LHFPL3: variants seen among roughly 807,000 people sequenced by gnomAD.
The protein encoded by LHFPL3 is LHFPL tetraspan subfamily member 3.
In LHFPL3, 5 loss-of-function variants were observed where a neutral mutation model predicts 19.3. The observed-to-expected ratio is 0.26, with a 90% confidence interval of 0.14 to 0.54. The LOEUF is 0.54. Ranked by LOEUF, LHFPL3 falls within the 20% of genes least tolerant of loss-of-function variation. The pLI is 0.94. For synonymous variants in LHFPL3, 133 were observed against 126.2 expected, an observed-to-expected ratio of 1.05 and a Z score of -0.36; for missense variants, 249 against 307.4, an observed-to-expected ratio of 0.81 and a Z score of 1.42.
intron 1 of LHFPL3, among the ~76,000 whole-genome samples, chr7:104,449,059 A>G (rs1371588858): frequency 6.6e-6 from 1 of 152,214 alleles, no homozygotes; most frequent in Admixed American, 6.5e-5. Context: ...CCTTCAGGAT[A>G]AAATTATAAC....
At chr7:104,536,719 T>A (rs1461848891) in intron 1 of LHFPL3, among the ~76,000 whole-genome samples, 1 of 152,198 alleles carries the variant, frequency 6.6e-6, no homozygotes, top group Non-Finnish European at 1.5e-5. Flanking sequence ...AGTAAGATGC[T>A]CCTACCATTT....
At chr7:104,529,395 C>A (rs1177785872) in intron 1 of LHFPL3, among the ~76,000 whole-genome samples, 1 of 152,124 alleles carries the variant, frequency 6.6e-6, no homozygotes, top group Non-Finnish European at 1.5e-5. Context: ...CCTAAGAAAC[C>A]TAGGCTCTTT....
At chr7:104,849,509 C>G (rs1791375464) in intron 2 of LHFPL3, among the ~76,000 whole-genome samples, 1 of 152,044 alleles carries the variant, frequency 6.6e-6, no homozygotes, top group Admixed American at 6.5e-5. Context: ...TTAAGGTTCA[C>G]TGAAAAGTCA....
At chr7:104,804,161 G>C (rs1424456122) in intron 2 of LHFPL3, 2 of 152,130 alleles carry the variant, frequency 1.3e-5, no homozygotes, top group Non-Finnish European at 2.9e-5. Flanking sequence ...AAGTTTCCTT[G>C]CTCTTCATTG....
chr7:104,652,224 G>C (rs1489571894), intron 1 of LHFPL3, among the ~76,000 whole-genome samples: 1 of 152,102 alleles, frequency 6.6e-6, no homozygotes, highest in African/African-American at 2.4e-5. Context: ...GCAGTGGGCA[G>C]TGTTAATTGA....
At chr7:104,617,074 A>G (rs556071040) in intron 1 of LHFPL3, among the ~76,000 whole-genome samples, 4 of 152,318 alleles carry the variant, frequency 2.6e-5, no homozygotes, top group Admixed American at 6.5e-5. Context: ...TAGTTCAACT[A>G]TTGTGGAAGA....
chr7:104,610,301 T>C (rs1227455747), intron 1 of LHFPL3, among the ~76,000 whole-genome samples: 10 of 152,110 alleles, frequency 6.6e-5, no homozygotes, highest in Non-Finnish European at 8.8e-5. Context: ...GTGATGTGAT[T>C]CTACCTACTC....
intron 1 of LHFPL3, among the ~76,000 whole-genome samples, chr7:104,559,261 T>G (rs1427669728): frequency 5.7e-5 from 8 of 141,552 alleles, no homozygotes; most frequent in Admixed American, 2.8e-4. Context: ...ATCTGTAAAT[T>G]ACCTTGGGCA....
chr7:104,539,646 T>C (rs1208608925), intron 1 of LHFPL3, among the ~76,000 whole-genome samples: 2 of 152,140 alleles, frequency 1.3e-5, no homozygotes, highest in South Asian at 2.1e-4. Context: ...GGTTCCCAAA[T>C]GCTGGTCCAT....
intron 1 of LHFPL3, among the ~76,000 whole-genome samples, chr7:104,479,142 A>G (rs959287537): frequency 2.6e-5 from 4 of 152,220 alleles, no homozygotes. Flanking sequence ...CTCCAAGCTC[A>G]TAAGACCCTT....
At chr7:104,699,017 T>C (rs1197839264) in intron 1 of LHFPL3, among the ~76,000 whole-genome samples, 2 of 152,232 alleles carry the variant, frequency 1.3e-5, no homozygotes, top group African/African-American at 4.8e-5. Context: ...ATAATTGGTA[T>C]TATTTTTTAA....
intron 1 of LHFPL3, among the ~76,000 whole-genome samples, chr7:104,453,977 C>A (rs938929624): frequency 2.6e-5 from 4 of 152,154 alleles, no homozygotes; most frequent in African/African-American, 9.7e-5. Context: ...CACTTAAATT[C>A]TTTTCTTTAT....
chr7:104,351,147 A>C (rs767788915), intron 1 of LHFPL3, among the ~76,000 whole-genome samples: 12 of 152,292 alleles, frequency 7.9e-5, no homozygotes, highest in Non-Finnish European at 1.8e-4. Context: ...TGAGAAGGGA[A>C]TGTGCAGAGG....
At chr7:104,401,333 G>A (rs1054602289) in intron 1 of LHFPL3, among the ~76,000 whole-genome samples, 5 of 152,142 alleles carry the variant, frequency 3.3e-5, no homozygotes. Context: ...GGCTATAGCT[G>A]ACCATCTAAC....
At chr7:104,804,557 G>A (rs571417636) in intron 2 of LHFPL3, among the ~76,000 whole-genome samples, 4 of 152,230 alleles carry the variant, frequency 2.6e-5, no homozygotes, top group Admixed American at 2.0e-4. Context: ...TCACTTCCAC[G>A]ATTAAGTTAC....
intron 1 of LHFPL3, among the ~76,000 whole-genome samples, chr7:104,614,621 CT>C: frequency 2.8e-5 from 4 of 144,884 alleles, no homozygotes; most frequent in African/African-American, 1.0e-4. Flanking sequence ...CTCTTCTCTT[CT>C]CTTCTCTTCT....
At chr7:104,668,176 A>C (rs1792396723) in intron 1 of LHFPL3, 1 of 1,613,944 alleles carries the variant, frequency 6.2e-7, no homozygotes, top group Non-Finnish European at 8.5e-7. Flanking sequence ...GGTTATGCTG[A>C]ATTTGAGGAC....
intron 2 of LHFPL3, among the ~76,000 whole-genome samples, chr7:104,809,937 G>T (rs1790434390): frequency 6.6e-6 from 1 of 152,208 alleles, no homozygotes; most frequent in Admixed American, 6.5e-5. Flanking sequence ...AGAATAAATT[G>T]TGGTAAGTGC....
intron 1 of LHFPL3, among the ~76,000 whole-genome samples, chr7:104,539,864 G>T (rs1412657637): frequency 6.6e-6 from 1 of 152,100 alleles, no homozygotes; most frequent in African/African-American, 2.4e-5. Context: ...CTGTTGTTAT[G>T]AAACTTTCTT....
Sources: gnomAD v4.1 joint callset for allele counts (sites outside exome capture counted in the v4.1 genomes callset) on GRCh38, gnomAD v4.1.1 for gene constraint, MANE v1.5 for transcripts, NCBI Gene and HGNC (gene_info 2026-07-23, HGNC 2026-07-21) for gene names.